LARGE1: variants seen among roughly 807,000 people sequenced by gnomAD.
The protein encoded by LARGE1 is LARGE xylosyl- and glucuronyltransferase 1, also known as xylosyl- and glucuronyltransferase LARGE1.
A neutral mutation model predicts 87.6 loss-of-function variants in LARGE1; 43 were observed. That is an observed-to-expected ratio of 0.49 (90% confidence interval 0.38 to 0.63). LARGE1 has a LOEUF of 0.63. Ranked by LOEUF, LARGE1 falls within the 30% of genes least tolerant of loss-of-function variation. The pLI is 0.00. For synonymous variants in LARGE1, 434 were observed against 394.6 expected (o/e 1.10, Z -1.18); for missense variants, 802 against 1,000.2 (o/e 0.80, Z 2.67).
At chr22:33,707,401 G>A (rs771973574) in intron 2 of LARGE1, among the ~76,000 whole-genome samples, 9 of 152,220 alleles carry the variant, frequency 5.9e-5, no homozygotes, top group Non-Finnish European at 1.2e-4. Context: ...GATCCTCTTT[G>A]ACTGTAACTT....
intron 11 of LARGE1, among the ~76,000 whole-genome samples, chr22:33,171,932 TGGAAACACCACA>T (rs1380797680): frequency 6.6e-6 from 1 of 152,074 alleles, no homozygotes; most frequent in Non-Finnish European, 1.5e-5. Flanking sequence ...ACCATACACC[TGGAAACACCACA>T]GGCACTCAAT....
In LARGE1 at chr22:33,337,801, C is replaced by G. The variant is rs1041177021; in HGVS notation, c.1132G>C (p.Val378Leu). 6.2e-7 allele frequency: 1 copy of G among 1,614,150 alleles called. No individual in the cohort carries two copies. The highest frequency in any genetic ancestry group is 8.5e-7 in the Non-Finnish European group (1 of 1,180,034). Residue 378 changes from valine to leucine, a missense_variant and splice_region_variant, in exon 10 of 15, where the codon GTC becomes CTC. Val to Leu is a conservative substitution (Grantham distance 32, BLOSUM62 1). This residue lies in a region of LARGE1 where 625 missense variants were observed against 841.9 expected (regional missense o/e 0.74). Transcript: ENST00000397394. ...TTCTTGGGGGAGTTCCAGTGAATGA[C>G]CTGGCAGGGAGATAAGGAAGTGGTC... ...QCYRDVSDLKVIHWNSPKKLR... is the reference protein window; with the variant it reads ...QCYRDVSDLKLIHWNSPKKLR...
intron 2 of LARGE1, among the ~76,000 whole-genome samples, chr22:33,700,260 C>G (rs896414785): frequency 6.6e-6 from 1 of 152,160 alleles, no homozygotes; most frequent in East Asian, 1.9e-4. Flanking sequence ...TTCCAACAAG[C>G]CTTCTAGGTC....
chr22:33,068,087 C>A, the LARGE1 span, among the ~76,000 whole-genome samples: 1 of 152,050 alleles, frequency 6.6e-6, no homozygotes, highest in Non-Finnish European at 1.5e-5. Context: ...AAATCCAGAA[C>A]CTGGAATGTA....
At chr22:33,394,198 CT>C (rs531894455) in intron 7 of LARGE1, among the ~76,000 whole-genome samples, 36,764 of 126,490 alleles carry the variant, frequency 0.29, 4,554 homozygotes, top group African/African-American at 0.45. Flanking sequence ...ACCTCTGATT[CT>C]TTTTTTTTTT....
intron 6 of LARGE1, among the ~76,000 whole-genome samples, chr22:33,543,273 G>A (rs1477986602): frequency 6.6e-6 from 1 of 152,058 alleles, no homozygotes; most frequent in Admixed American, 6.6e-5. Context: ...AAGAGCGGTG[G>A]CCAATTTCTC....
At chr22:33,271,030 G>A (rs1294782510), downstream of LARGE1, among the ~76,000 whole-genome samples, 2 of 152,182 alleles carry the variant, frequency 1.3e-5, no homozygotes, top group African/African-American at 4.8e-5. Flanking sequence ...GAACCCAGCT[G>A]TCTGAATATG....
chr22:33,369,459 T>G (rs958410682), intron 9 of LARGE1, among the ~76,000 whole-genome samples: 4 of 114,188 alleles, frequency 3.5e-5, no homozygotes, highest in East Asian at 2.1e-4. Context: ...ATTTTCTTGG[T>G]TTTTTTTTCC....
At chr22:33,565,365 A>C (rs992333926) in intron 5 of LARGE1, among the ~76,000 whole-genome samples, 3 of 152,262 alleles carry the variant, frequency 2.0e-5, no homozygotes, top group African/African-American at 7.2e-5. Flanking sequence ...ATAAAGGTCC[A>C]AAAATTGAAT....
chr22:33,540,144 G>T (rs1327720804), intron 6 of LARGE1, among the ~76,000 whole-genome samples: 1 of 152,160 alleles, frequency 6.6e-6, no homozygotes, highest in East Asian at 1.9e-4. Flanking sequence ...TATTTGCAGA[G>T]AAGTTAAAAA....
At chr22:33,217,133 A>G (rs1373047060) in intron 11 of LARGE1, among the ~76,000 whole-genome samples, 1 of 152,146 alleles carries the variant, frequency 6.6e-6, no homozygotes, top group Non-Finnish European at 1.5e-5. Flanking sequence ...CCACATGTAC[A>G]CAATATTCAT....
chr22:33,128,258 C>T, the LARGE1 span, among the ~76,000 whole-genome samples: 1 of 152,144 alleles, frequency 6.6e-6, no homozygotes, highest in Non-Finnish European at 1.5e-5. Context: ...TGGGTATATA[C>T]CCAAAGGAAT....
chr22:33,372,079 A>C (rs947182876), intron 9 of LARGE1, among the ~76,000 whole-genome samples: 1 of 152,168 alleles, frequency 6.6e-6, no homozygotes, highest in African/African-American at 2.4e-5. Context: ...TTAAAATCAT[A>C]AGGTTATGCT....
rs567444173 is a variant in LARGE1, at chr22:33,584,309, C to G, written c.616-19290G>C. 1.8e-3 allele frequency among the ~76,000 whole-genome samples: 281 copies of G among 152,252 alleles called. 2 individuals carry two copies. Among genetic ancestry groups the G allele is most frequent in the Non-Finnish European group, 2.6e-3 (174 of 68,010 alleles). On this transcript the variant is annotated intron_variant, in intron 5 of 14. Transcript: ENST00000397394. ...CTCCTCCTCAAAGCTTCTGTGTTCT[C>G]GACAATGATGTACCTAGCATGGGAA...
intron 9 of LARGE1, among the ~76,000 whole-genome samples, chr22:33,340,272 C>A (rs1429984414): frequency 6.6e-6 from 1 of 151,750 alleles, no homozygotes; most frequent in African/African-American, 2.4e-5. Flanking sequence ...TGCTTAACTA[C>A]TCACTGGGCT....
At chr22:33,874,247 A>T (rs2064395062) in intron 1 of LARGE1, among the ~76,000 whole-genome samples, 1 of 152,196 alleles carries the variant, frequency 6.6e-6, no homozygotes, top group South Asian at 2.1e-4. Context: ...CCAGGACCAC[A>T]GGCACGCCTC....
intron 1 of LARGE1, among the ~76,000 whole-genome samples, chr22:33,823,040 G>C (rs1332065702): frequency 6.6e-6 from 1 of 152,194 alleles, no homozygotes; most frequent in Admixed American, 6.5e-5. Context: ...ACAGATGAAT[G>C]TGTTGCACAA....
At position 33,566,877 on chromosome 22, in the gene LARGE1, A is replaced by G. The variant is rs940974391; in HGVS notation, c.616-1858T>C. On this transcript the variant is annotated intron_variant, in intron 5 of 14. Coordinates refer to ENST00000397394, the MANE Select transcript of LARGE1 (RefSeq NM_133642.5). The stretch of plus-strand genomic sequence containing the variant: ...TGCATTTACAATCCTTTCGCTAGAC[A>G]TAAAAGTTCTCCAAGTCCCCATTTG... Among the ~76,000 whole-genome samples the G allele has an allele frequency of 5.8e-4, 89 of 152,314 alleles. 1 individual carries two copies. The highest frequency in any genetic ancestry group is 2.0e-3 in the African/African-American group (82 of 41,564).
intron 10 of LARGE1, among the ~76,000 whole-genome samples, chr22:33,335,750 C>T (rs1938365573): frequency 6.6e-6 from 1 of 152,178 alleles, no homozygotes. Context: ...CAGCTACTTC[C>T]TCTACCTGGA....
Sources: allele counts gnomAD v4.1 joint callset (sites outside exome capture counted in the v4.1 genomes callset), GRCh38; gene constraint gnomAD v4.1.1; regional missense constraint gnomAD v4.1.1; transcripts MANE v1.5; gene names NCBI Gene and HGNC (gene_info 2026-07-23, HGNC 2026-07-21).